Variants in TMX1 observed in about 807,000 individuals in gnomAD.
TMX1 encodes thioredoxin-related transmembrane protein 1.
TMX1 carries 25 observed loss-of-function variants against 36.6 expected under a neutral mutation model. The observed-to-expected ratio is 0.68, with a 90% CI of 0.50 to 0.95. The LOEUF (loss-of-function observed/expected upper bound fraction) is 0.95, where lower values mean the gene tolerates loss of function less well. Among genes scored for constraint, TMX1 ranks in the 40% least tolerant of loss-of-function variants. The pLI is 0.00. For missense variants in TMX1, 347 were observed against 339.6 expected (o/e 1.02, Z -0.17); for synonymous variants, 133 against 118.0 (o/e 1.13, Z -0.82).
At chr14:51,242,739 T>G (rs1267942395) in intron 1 of TMX1, among the ~76,000 whole-genome samples, 1 of 152,108 alleles carries the variant, frequency 6.6e-6, no homozygotes, top group Non-Finnish European at 1.5e-5. Context: ...ATGGCGCCAC[T>G]GCCCTCCAGC....
Position 51,249,578 on chromosome 14 carries a change from T to G in TMX1, c.591+9T>G. The G allele has an allele frequency of 6.2e-7, 1 of 1,611,558 alleles. No individual in the cohort carries two copies. Among genetic ancestry groups the G allele is most frequent in the Non-Finnish European group, 8.5e-7 (1 of 1,178,802 alleles). On this transcript the variant is annotated intron_variant, in intron 6 of 7. Transcript: ENST00000457354. ...GACTGTTATTAGGACTCGTAAGTAT[T>G]TCATTTTTGGAGTGCTAGGAAGAAA...
In TMX1 at chr14:51,240,407, T is replaced by C. The variant is rs373469116; in HGVS notation, c.115T>C (p.Trp39Arg). The change falls in exon 1 of 8, where the codon TGG becomes CGG. Residue 39 changes from tryptophan (W) to arginine (R), a missense_variant. Physicochemically the swap from Trp to Arg is moderately radical, Grantham distance 101. Transcript: ENST00000457354. ...SNVRVITDEN[W>R]RELLEGDWMI... ...CGTTCGCGTCATCACGGACGAGAAC[T>C]GGAGAGAACTGCTGGAAGGAGACTG... is the stretch of plus-strand genomic sequence containing the variant. 6.2e-7 allele frequency: 1 copy of C among 1,613,892 alleles called. No homozygotes were observed. The highest frequency in any genetic ancestry group is 1.3e-5 in the African/African-American group (1 of 74,940).
rs1468660809 is a variant in TMX1, at chr14:51,256,055, A to G, written c.*1536A>G. ...AACCACTTCATTAAAGCTGAAGACCAGTATGATTTCTGGTTGCTTTTTGAA... is the reference window on the plus strand; with the variant it reads ...AACCACTTCATTAAAGCTGAAGACCGGTATGATTTCTGGTTGCTTTTTGAA... On this transcript the variant is annotated 3_prime_UTR_variant, in exon 8 of 8. Transcript: ENST00000457354. The G allele has an allele frequency of 6.6e-6, 1 of 152,572 alleles. No homozygotes were observed. The allele number at this position is 152,572 out of a possible 1,614,324, so 9.5% of individuals were successfully genotyped here.
chr14:51,252,567 A>T (rs552207199), intron 7 of TMX1, among the ~76,000 whole-genome samples: 13 of 152,290 alleles, frequency 8.5e-5, no homozygotes, highest in African/African-American at 2.9e-4. Flanking sequence ...CTAGTAACAT[A>T]TAAGCAGTAA....
chr14:51,256,568 TA>T lies in TMX1; in HGVS notation c.*2051del, dbSNP rs1388975478. On this transcript the variant is annotated 3_prime_UTR_variant, in exon 8 of 8. Transcript: ENST00000457354. Reference sequence around the variant, plus strand: ...AGAATTCTGGGCCACCTACCCACCATAATCAATTCAGCTGTACTACTGAAGT... The same window carrying T: ...AGAATTCTGGGCCACCTACCCACCATATCAATTCAGCTGTACTACTGAAGT... 6.6e-6 allele frequency: 1 copy of T among 152,246 alleles called. No individual in the cohort carries two copies. Among genetic ancestry groups the T allele is most frequent in the African/African-American group, 2.4e-5 (1 of 41,466 alleles). The allele number at this position is 152,246 out of a possible 1,614,324, so 9.4% of individuals were successfully genotyped here.
intron 7 of TMX1, among the ~76,000 whole-genome samples, chr14:51,251,409 AG>A (rs1490760248): frequency 6.6e-6 from 1 of 152,248 alleles, no homozygotes; most frequent in Non-Finnish European, 1.5e-5. Flanking sequence ...ATGATTTATC[AG>A]GGTATAACCC....
chr14:51,249,236 C>A, intron 4 of TMX1, 90 bp from the exon 5 acceptor site: 2 of 1,072,364 alleles, frequency 1.9e-6, no homozygotes, highest in Non-Finnish European at 2.7e-6. Flanking sequence ...TAAAATCTGT[C>A]ATATTGGGGA....
rs1332918382 is a variant in TMX1 at position 51,255,075 on chromosome 14, T to TA, written c.*557dup. 2 of 152,124 alleles carry TA rather than the reference T, an allele frequency of 1.3e-5. No individual in the cohort carries two copies. Among genetic ancestry groups the TA allele is most frequent in the Non-Finnish European group, 2.9e-5 (2 of 67,964 alleles). 9.4% of individuals were successfully genotyped at this position (152,124 alleles called of 1,614,324 possible). On this transcript the variant is annotated 3_prime_UTR_variant, in exon 8 of 8. Transcript: ENST00000457354. ...TAAAAACTACCTTACATTAATTAAT[T>TA]ACAGTTTTCTACACATGGTAATACA...
intron 7 of TMX1, among the ~76,000 whole-genome samples, chr14:51,252,083 G>T (rs2065816712): frequency 6.8e-6 from 1 of 148,080 alleles, no homozygotes; most frequent in African/African-American, 2.5e-5. Context: ...TCAGTGAATA[G>T]GCACAATTTT....
chr14:51,254,279 A>AT, intron 7 of TMX1, 62 bp from the exon 8 acceptor site: 1 of 1,466,562 alleles, frequency 6.8e-7, no homozygotes, highest in Admixed American at 2.5e-5. Context: ...TTGTATCTTG[A>AT]TTTTACTCTA....
intron 3 of TMX1, chr14:51,245,758 G>A (rs894636013): frequency 2.5e-5 from 8 of 318,342 alleles, no homozygotes; most frequent in Non-Finnish European, 3.7e-5. Context: ...TAAGAGTGGA[G>A]CGTAAGCATT....
chr14:51,241,805 G>T (rs565341390), intron 1 of TMX1, among the ~76,000 whole-genome samples: 1 of 152,166 alleles, frequency 6.6e-6, no homozygotes, highest in Non-Finnish European at 1.5e-5. Flanking sequence ...AACCCAGAAG[G>T]CTAAATCAGT....
At chr14:51,247,709 T>G (rs1261548076) in intron 4 of TMX1, among the ~76,000 whole-genome samples, 1 of 152,224 alleles carries the variant, frequency 6.6e-6, no homozygotes, top group Admixed American at 6.5e-5. Context: ...ATTTTCATGC[T>G]TCTTGAGTTA....
At chr14:51,247,258 T>C in intron 4 of TMX1, 38 bp downstream of exon 4, 1 of 1,590,644 alleles carries the variant, frequency 6.3e-7, no homozygotes. Flanking sequence ...CATTTCATAA[T>C]TAATTGGAAC....
Position 51,247,814 on chromosome 14 carries a change from CT to C in TMX1, c.443+595del, listed in dbSNP as rs904063516. On this transcript the variant is annotated intron_variant, in intron 4 of 7. Transcript: ENST00000457354. ...ATGTATCATCAAAAACTAAATGCCC[CT>C]AAGAGTCTTCACAGTGTAATGGGTA... 2.0e-5 allele frequency among the ~76,000 whole-genome samples: 3 copies of C among 152,280 alleles called. No homozygotes were observed. The East Asian group carries it at 5.8e-4, about 29-fold the overall frequency.
In TMX1 at chr14:51,254,841, A is replaced by T. The variant is rs2065831524; in HGVS notation, c.*322A>T. On this transcript the variant is annotated 3_prime_UTR_variant, in exon 8 of 8. Transcript: ENST00000457354. ...ATTTACATTTCCCAAGTATTGCATTATTGAGGTATTTAAGAAGATTATTTT... is the reference window on the plus strand; with the variant it reads ...ATTTACATTTCCCAAGTATTGCATTTTTGAGGTATTTAAGAAGATTATTTT... The T allele has an allele frequency of 5.7e-6, 1 of 174,992 alleles. No homozygotes were observed. Among genetic ancestry groups the T allele is most frequent in the Non-Finnish European group, 1.2e-5 (1 of 83,406 alleles). 10.8% of individuals were successfully genotyped at this position (174,992 alleles called of 1,614,324 possible).
chr14:51,252,819 T>C (rs920771567), intron 7 of TMX1, among the ~76,000 whole-genome samples: 10 of 152,186 alleles, frequency 6.6e-5, no homozygotes, highest in African/African-American at 2.4e-4. Context: ...GAGGTCAGGG[T>C]TGACTGGATC....
Position 51,247,229 on chromosome 14 carries a change from G to A in TMX1, c.443+9G>A. 1 of 1,605,012 alleles carries A rather than the reference G, an allele frequency of 6.2e-7. No individual in the cohort carries two copies. Among genetic ancestry groups the A allele is most frequent in the Non-Finnish European group, 8.5e-7 (1 of 1,177,192 alleles). On this transcript the variant is annotated intron_variant, in intron 4 of 7. Transcript: ENST00000457354. Reference sequence around the variant, plus strand: ...GGTCCAGGTTCTGTTCTGTAAGTATGAGGGCTTTTTCTCTTACCCATTTCA... The same window carrying A: ...GGTCCAGGTTCTGTTCTGTAAGTATAAGGGCTTTTTCTCTTACCCATTTCA...
In TMX1 at chr14:51,249,461, A is replaced by G. The variant is rs200511106; in HGVS notation, c.490-7A>G. 24 of 1,588,902 alleles carry G rather than the reference A, an allele frequency of 1.5e-5. No homozygotes were observed. Among genetic ancestry groups the G allele is most frequent in the Middle Eastern group, 1.7e-4 (1 of 5,916 alleles). On this transcript the variant is annotated splice_polypyrimidine_tract_variant and splice_region_variant and intron_variant, in intron 5 of 7. Coordinates refer to ENST00000457354, the MANE Select transcript of TMX1 (RefSeq NM_030755.5). ...ATTTTTAGTTTTTTTTTTTCTTTTGATTTTAGACTTGCCATAACTACTTTA... is the reference window on the plus strand; with the variant it reads ...ATTTTTAGTTTTTTTTTTTCTTTTGGTTTTAGACTTGCCATAACTACTTTA...
Sources: allele counts gnomAD v4.1 joint callset (sites outside exome capture counted in the v4.1 genomes callset), GRCh38; gene constraint gnomAD v4.1.1; transcripts MANE v1.5; gene names NCBI Gene and HGNC (gene_info 2026-07-23, HGNC 2026-07-21).